CHODL: variants seen among roughly 807,000 people sequenced by gnomAD.
The protein encoded by CHODL is transmembrane protein MT75.
In CHODL, 29 loss-of-function variants were observed where a neutral mutation model predicts 34.5. The ratio of observed to expected loss-of-function variants is 0.84; its 90% CI spans 0.63 to 1.15. The LOEUF (loss-of-function observed/expected upper bound fraction) is 1.15, where lower values mean the gene tolerates loss of function less well. Among genes scored for constraint, CHODL ranks in the 50% most tolerant of loss-of-function variants. CHODL has a pLI of 0.00. For synonymous variants in CHODL, 125 were observed against 116.1 expected (o/e 1.08, Z -0.49); for missense variants, 332 against 332.5 (o/e 1.00, Z 0.01).
chr21:18,024,339 G>A (rs1330271559), intron 1 of CHODL, among the ~76,000 whole-genome samples: 1 of 152,094 alleles, frequency 6.6e-6, no homozygotes, highest in Non-Finnish European at 1.5e-5. Context: ...AGACCCGTGG[G>A]CATAACAGTG....
At chr21:18,049,172 G>A (rs531256567) in intron 2 of CHODL, among the ~76,000 whole-genome samples, 1 of 152,056 alleles carries the variant, frequency 6.6e-6, no homozygotes, top group East Asian at 1.9e-4. Context: ...ATACATTTGA[G>A]TAATTCTATT....
At chr21:18,145,378 AG>A (rs1443282943) in intron 2 of CHODL, among the ~76,000 whole-genome samples, 1 of 139,418 alleles carries the variant, frequency 7.2e-6, no homozygotes, top group Non-Finnish European at 1.5e-5. Flanking sequence ...CGGAGCTGGC[AG>A]TGAGCCAAGA....
At chr21:17,930,492 G>A (rs762292371) in intron 1 of CHODL, among the ~76,000 whole-genome samples, 33 of 152,314 alleles carry the variant, frequency 2.2e-4, no homozygotes, top group Middle Eastern at 3.4e-3. Flanking sequence ...GGAATATTCC[G>A]CAGCTGCCTG....
chr21:18,164,504 G>C (rs2073131014), intron 2 of CHODL, among the ~76,000 whole-genome samples: 1 of 152,172 alleles, frequency 6.6e-6, no homozygotes, highest in East Asian at 1.9e-4. Flanking sequence ...TTTGGAATTA[G>C]ACAAATTTAG....
chr21:18,149,493 A>G (rs536075303), intron 2 of CHODL, among the ~76,000 whole-genome samples: 6 of 152,292 alleles, frequency 3.9e-5, no homozygotes, highest in Admixed American at 3.9e-4. Context: ...GGGTCTGTCT[A>G]TGTGAACATC....
intron 2 of CHODL, among the ~76,000 whole-genome samples, chr21:18,058,149 GA>G: frequency 6.6e-6 from 1 of 152,030 alleles, no homozygotes; most frequent in Non-Finnish European, 1.5e-5. Flanking sequence ...TTCTCACAAT[GA>G]GAGATCATCT....
upstream of CHODL, among the ~76,000 whole-genome samples, chr21:18,244,448 G>A (rs1338505249): frequency 6.6e-6 from 1 of 152,164 alleles, no homozygotes; most frequent in African/African-American, 2.4e-5. Flanking sequence ...TTAAATAGTG[G>A]CTAGTGCCCT....
chr21:18,215,532 T>G lies in CHODL; in HGVS notation c.-44-40977T>G, dbSNP rs534843082. 3.9e-5 allele frequency among the ~76,000 whole-genome samples: 6 copies of G among 152,124 alleles called. No homozygotes were observed. In the South Asian group the frequency reaches 6.2e-4, roughly 16 times the overall value. On this transcript the variant is annotated intron_variant, in intron 2 of 6. Coordinates refer to the CHODL transcript ENST00000400127. ...TTGACTCCCAGGTATGTTGGGCTAC[T>G]GTATTGTCTTTGGCCTTAAGTTAGT... is the stretch of plus-strand genomic sequence containing the variant.
chr21:18,133,705 C>T (rs1047749800), intron 2 of CHODL, among the ~76,000 whole-genome samples: 8 of 152,094 alleles, frequency 5.3e-5, no homozygotes, highest in Admixed American at 2.0e-4. Context: ...AAGCTCAGGG[C>T]TCATCAACTC....
rs116992152 is a variant in CHODL, at chr21:18,083,808, A to G, written c.-45+55837A>G. Among the ~76,000 whole-genome samples the G allele has an allele frequency of 4.8e-3, 734 of 152,342 alleles. 3 individuals carry two copies. The highest frequency in any genetic ancestry group is 8.2e-3 in the Non-Finnish European group (555 of 68,038). On this transcript the variant is annotated intron_variant, in intron 2 of 6. Transcript: ENST00000400127. Reference sequence around the variant, plus strand: ...TGTATTCCCATTGTATCATGGAATTAACTAACTAGCTTTTGATTTTATAGG... The same window carrying G: ...TGTATTCCCATTGTATCATGGAATTGACTAACTAGCTTTTGATTTTATAGG...
intron 2 of CHODL, among the ~76,000 whole-genome samples, chr21:18,068,086 CACA>C (rs1175592518): frequency 1.3e-5 from 2 of 151,926 alleles, no homozygotes; most frequent in Non-Finnish European, 2.9e-5. Flanking sequence ...AAAATAAATG[CACA>C]ACAATTTTTA....
In CHODL at chr21:17,967,304, C is replaced by T. The variant is rs368089353; in HGVS notation, c.-145+49904C>T. Among the ~76,000 whole-genome samples the T allele has an allele frequency of 1.8e-4, 27 of 152,248 alleles. 1 individual carries two copies. The highest frequency in any genetic ancestry group is 5.1e-4 in the African/African-American group (21 of 41,554). On this transcript the variant is annotated intron_variant, in intron 1 of 6. Coordinates refer to the CHODL transcript ENST00000400127. ...ACTTGGACACTACTAGTATGCTACA[C>T]TTGTTGATGACACAAGTGAGTCTTT...
intron 2 of CHODL, among the ~76,000 whole-genome samples, chr21:18,092,869 G>T (rs537536280): frequency 1.3e-5 from 2 of 152,192 alleles, no homozygotes; most frequent in East Asian, 1.9e-4. Context: ...TGGCCTTAAG[G>T]CCTCTTCTTC....
chr21:18,121,513 G>T (rs1167401773), intron 2 of CHODL, among the ~76,000 whole-genome samples: 1 of 150,610 alleles, frequency 6.6e-6, no homozygotes, highest in South Asian at 2.1e-4. Flanking sequence ...TGGCCCAAAC[G>T]CTTACTTTCT....
intron 2 of CHODL, among the ~76,000 whole-genome samples, chr21:18,230,286 ATTTTAGGCCACAGACAG>A (rs1251705630): frequency 1.3e-5 from 2 of 152,154 alleles, no homozygotes; most frequent in Non-Finnish European, 2.9e-5. Context: ...AATCATTCAA[ATTTTAGGCCACAGACAG>A]TTATTCTTTT....
At chr21:18,198,022 A>G (rs2073608952) in intron 2 of CHODL, among the ~76,000 whole-genome samples, 1 of 152,248 alleles carries the variant, frequency 6.6e-6, no homozygotes, top group South Asian at 2.1e-4. Flanking sequence ...TTAGTTAATG[A>G]AAAGCCATTG....
At chr21:17,958,237 CT>C (rs374702045) in intron 1 of CHODL, among the ~76,000 whole-genome samples, 1 of 152,182 alleles carries the variant, frequency 6.6e-6, no homozygotes, top group Non-Finnish European at 1.5e-5. Context: ...ATCCCAGTGC[CT>C]TTATTCTTTT....
At position 17,938,355 on chromosome 21, in the gene CHODL, A is replaced by G. The variant is rs2063333210; in HGVS notation, c.-145+20955A>G. Among the ~76,000 whole-genome samples, 3 of 151,118 alleles carry G rather than the reference A, an allele frequency of 2.0e-5. No homozygotes were observed. In the South Asian group the frequency reaches 6.3e-4, roughly 32 times the overall value. On this transcript the variant is annotated intron_variant, in intron 1 of 6. Coordinates refer to the CHODL transcript ENST00000400127. ...TTATTGAGAGGACAAGAAATGCAGTAGATACAGTTGAATAAAAACAGCTAC... is the reference window on the plus strand; with the variant it reads ...TTATTGAGAGGACAAGAAATGCAGTGGATACAGTTGAATAAAAACAGCTAC...
At chr21:18,219,608 A>G (rs912862362) in intron 2 of CHODL, among the ~76,000 whole-genome samples, 38 of 152,096 alleles carry the variant, frequency 2.5e-4, no homozygotes, top group African/African-American at 8.2e-4. Context: ...TGTCTTTTTG[A>G]TAATAGACAT....
Sources: allele counts gnomAD v4.1 joint callset (sites outside exome capture counted in the v4.1 genomes callset), GRCh38; gene constraint gnomAD v4.1.1; transcripts MANE v1.5; gene names NCBI Gene and HGNC (gene_info 2026-07-23, HGNC 2026-07-21).